REC114: variants seen among roughly 807,000 people sequenced by gnomAD.
REC114 encodes the protein meiotic recombination protein REC114.
Under a neutral mutation model 31.3 loss-of-function variants are expected in REC114, and 27 were observed. That is an observed-to-expected ratio of 0.86 (90% CI 0.64 to 1.19). REC114 has a LOEUF of 1.19. Ranked by LOEUF, REC114 falls within the 50% of genes most tolerant of loss-of-function variation. The pLI is 0.00. For synonymous variants in REC114, 134 were observed against 127.7 expected (o/e 1.05, Z -0.33); for missense variants, 344 against 326.9 (o/e 1.05, Z -0.40).
intron 1 of REC114, among the ~76,000 whole-genome samples, chr15:73,468,534 A>G (rs1258079562): frequency 1.3e-5 from 2 of 152,118 alleles, no homozygotes; most frequent in African/African-American, 4.8e-5. Flanking sequence ...CTTCTTTCCA[A>G]TCTGGATGCT....
rs769569268 is a variant in REC114 at position 73,462,884 on chromosome 15, C to CAAAAAAAAAAAAAAAAAA, written c.160-10942_160-10925dup. ...TGGGCAACAGAGTGAGACTCCGTCT[C>CAAAAAAAAAAAAAAAAAA]AAAAAAAAAAAAAAAAAAAAAAATT... On this transcript the variant is annotated intron_variant, in intron 1 of 5. Transcript: ENST00000331090. 1.9e-3 allele frequency among the ~76,000 whole-genome samples: 106 copies of CAAAAAAAAAAAAAAAAAA among 55,634 alleles called. 7 individuals are homozygous for CAAAAAAAAAAAAAAAAAA. Among genetic ancestry groups the CAAAAAAAAAAAAAAAAAA allele is most frequent in the African/African-American group, 5.7e-3 (81 of 14,176 alleles). 36.5% of individuals were successfully genotyped at this position (55,634 alleles called of 152,430 possible).
Position 73,511,166 on chromosome 15 carries a change from T to A in REC114, c.250-29319T>A, listed in dbSNP as rs1893761169. On this transcript the variant is annotated intron_variant, in intron 2 of 5. Transcript: ENST00000331090. ...GAGATTCAACTTCTTCCTGGTTTAG[T>A]CTTGGGAGAGTGTATGTGTCGAGGA... 3.9e-5 allele frequency among the ~76,000 whole-genome samples: 6 copies of A among 152,292 alleles called. No individual in the cohort carries two copies. In the South Asian group the frequency reaches 1.2e-3, roughly 32 times the overall value.
chr15:73,461,937 T>C (rs1441374147), intron 1 of REC114, among the ~76,000 whole-genome samples: 1 of 144,198 alleles, frequency 6.9e-6, no homozygotes, highest in African/African-American at 2.5e-5. Context: ...TTTTTTTTTT[T>C]TTTTTTTTTT....
intron 2 of REC114, among the ~76,000 whole-genome samples, chr15:73,503,515 A>G (rs1306590353): frequency 6.6e-6 from 1 of 152,210 alleles, no homozygotes; most frequent in Non-Finnish European, 1.5e-5. Flanking sequence ...TAGGGATAAA[A>G]TAAGATTGAT....
At chr15:73,449,917 G>C (rs1892820122) in intron 1 of REC114, among the ~76,000 whole-genome samples, 1 of 152,148 alleles carries the variant, frequency 6.6e-6, no homozygotes, top group Non-Finnish European at 1.5e-5. Context: ...AAGCAAAGGA[G>C]AAATAAAATC....
chr15:73,548,233 C>T (rs868052479), intron 3 of REC114, among the ~76,000 whole-genome samples: 5 of 152,128 alleles, frequency 3.3e-5, no homozygotes, highest in South Asian at 2.1e-4. Context: ...CTCCGCCTCC[C>T]GAATAGCTGG....
chr15:73,507,790 C>T (rs1893701678), intron 2 of REC114, among the ~76,000 whole-genome samples: 1 of 152,092 alleles, frequency 6.6e-6, no homozygotes. Context: ...AAAGCAGCAA[C>T]TTATAAATAA....
intron 1 of REC114, among the ~76,000 whole-genome samples, chr15:73,464,664 C>T (rs934212808): frequency 3.3e-5 from 5 of 152,166 alleles, no homozygotes; most frequent in East Asian, 1.9e-4. Context: ...GTTGAGAGAC[C>T]GCTAGGAACT....
intron 1 of REC114, among the ~76,000 whole-genome samples, chr15:73,456,361 G>GA (rs1245179947): frequency 6.6e-6 from 1 of 151,690 alleles, no homozygotes; most frequent in East Asian, 1.9e-4. Context: ...CTTTCAAAGG[G>GA]AAAAAAATCC....
At chr15:73,464,479 G>A (rs1442332947) in intron 1 of REC114, among the ~76,000 whole-genome samples, 1 of 152,050 alleles carries the variant, frequency 6.6e-6, no homozygotes. Context: ...TGGGTATGTA[G>A]CTATTTTCCT....
chr15:73,553,003 T>TG (rs928621237), intron 4 of REC114, among the ~76,000 whole-genome samples: 9 of 151,958 alleles, frequency 5.9e-5, no homozygotes, highest in African/African-American at 2.2e-4. Context: ...TTAATAGAGA[T>TG]GGGGTTTCAT....
chr15:73,513,448 CAA>C (rs1893806477), intron 2 of REC114, among the ~76,000 whole-genome samples: 1 of 148,894 alleles, frequency 6.7e-6, no homozygotes, highest in South Asian at 2.2e-4. Flanking sequence ...CTCAGCTCGT[CAA>C]AGTCATTCTC....
chr15:73,521,703 T>C (rs1396051582), intron 2 of REC114, among the ~76,000 whole-genome samples: 2 of 152,194 alleles, frequency 1.3e-5, no homozygotes, highest in Non-Finnish European at 2.9e-5. Context: ...TTATATCATG[T>C]ATTTGATTGG....
At chr15:73,523,032 G>A (rs965207441) in intron 2 of REC114, among the ~76,000 whole-genome samples, 1 of 152,034 alleles carries the variant, frequency 6.6e-6, no homozygotes, top group Non-Finnish European at 1.5e-5. Flanking sequence ...ATTATGTTGA[G>A]TATCTTTTAA....
chr15:73,555,517 G>C (rs1455634927), intron 4 of REC114, among the ~76,000 whole-genome samples: 1 of 152,110 alleles, frequency 6.6e-6, no homozygotes, highest in African/African-American at 2.4e-5. Context: ...GAGCATCCCT[G>C]TACTTCCTGC....
At chr15:73,519,676 C>G (rs893438073) in intron 2 of REC114, among the ~76,000 whole-genome samples, 3 of 152,224 alleles carry the variant, frequency 2.0e-5, no homozygotes, top group African/African-American at 7.2e-5. Flanking sequence ...TATTCGTACA[C>G]TCATATTCAT....
chr15:73,546,990 G>A (rs1894318188), intron 3 of REC114, among the ~76,000 whole-genome samples: 1 of 152,196 alleles, frequency 6.6e-6, no homozygotes, highest in South Asian at 2.1e-4. Context: ...AACTCTCCAG[G>A]ATGTTGATCT....
At chr15:73,540,601 ATCT>A (rs1240473321) in intron 3 of REC114, 33 bp downstream of exon 3, 1 of 1,559,940 alleles carries the variant, frequency 6.4e-7, no homozygotes, top group African/African-American at 1.4e-5. Flanking sequence ...CACTCTTCTC[ATCT>A]TCTATGTGTG....
chr15:73,454,469 TGTGA>T (rs1309948976), intron 1 of REC114, among the ~76,000 whole-genome samples: 1 of 152,174 alleles, frequency 6.6e-6, no homozygotes, highest in Non-Finnish European at 1.5e-5. Flanking sequence ...GAGGCTTGGC[TGTGA>T]GTATGATTAG....
Sources: allele counts gnomAD v4.1 joint callset (sites outside exome capture counted in the v4.1 genomes callset), GRCh38; gene constraint gnomAD v4.1.1; transcripts MANE v1.5; gene names NCBI Gene and HGNC (gene_info 2026-07-23, HGNC 2026-07-21).